Variants in TULP4 observed in about 807,000 individuals in gnomAD.
The protein encoded by TULP4 is TUB like protein 4.
TULP4 carries 16 observed loss-of-function variants against 129.0 expected under a neutral mutation model. The ratio of observed to expected loss-of-function variants is 0.12; its 90% CI spans 0.08 to 0.19. The LOEUF is 0.19. Ranked by LOEUF, TULP4 falls within the 10% of genes least tolerant of loss-of-function variation. The probability of loss-of-function intolerance (pLI) is 1.00; values close to 1 mark genes in which losing one functional copy is unlikely to be tolerated. For missense variants in TULP4, 1,842 were observed against 2,059.1 expected, an observed-to-expected ratio of 0.89 and a Z score of 2.04; for synonymous variants, 998 against 854.0, an observed-to-expected ratio of 1.17 and a Z score of -2.94.
chr6:158,278,770 A>G (rs1224654461), upstream of TULP4, among the ~76,000 whole-genome samples: 2 of 152,100 alleles, frequency 1.3e-5, no homozygotes, highest in Non-Finnish European at 2.9e-5. Context: ...TTGAACAAAT[A>G]CTTTTAGAGG....
At chr6:158,242,723 G>T in intron 1 of TULP4, 1 of 517,962 alleles carries the variant, frequency 1.9e-6, no homozygotes, top group South Asian at 1.9e-5. Context: ...GTATCTTATT[G>T]ACAGGCTTGA....
At chr6:158,299,184 C>T (rs778979514) in intron 1 of TULP4, among the ~76,000 whole-genome samples, 5 of 152,080 alleles carry the variant, frequency 3.3e-5, no homozygotes, top group Admixed American at 6.6e-5. Context: ...AGGAAAAGGA[C>T]GAGCTGAACC....
chr6:158,276,666 T>C (rs958309751), intron 1 of TULP4, among the ~76,000 whole-genome samples: 6 of 152,142 alleles, frequency 3.9e-5, no homozygotes, highest in Non-Finnish European at 5.9e-5. Context: ...CCTTGTGTCA[T>C]AGGGTCCCTT....
chr6:158,274,183 G>A lies in TULP4; in HGVS notation n.69-37868G>A, dbSNP rs576754515. ...TGAGGCAGGAGAATTGCTTGAACCC[G>A]GGAGGTGGAGGTTGTAATGAGCCAA... On this transcript the variant is annotated intron_variant and non_coding_transcript_variant, in intron 1 of 1. Transcript: ENST00000620026. 1.6e-4 allele frequency among the ~76,000 whole-genome samples: 25 copies of A among 152,004 alleles called. No homozygotes were observed. The East Asian group carries it at 3.9e-3, about 24-fold the overall frequency.
chr6:158,475,848 C>T (rs953680472), intron 6 of TULP4, among the ~76,000 whole-genome samples: 1 of 152,188 alleles, frequency 6.6e-6, no homozygotes, highest in Admixed American at 6.5e-5. Flanking sequence ...ACATTTGTAG[C>T]GAGGGCTTTA....
At chr6:158,233,799 T>G (rs1777640736) in intron 1 of TULP4, among the ~76,000 whole-genome samples, 1 of 152,262 alleles carries the variant, frequency 6.6e-6, no homozygotes, top group Non-Finnish European at 1.5e-5. Context: ...TGTTTAGTTC[T>G]TCAGTTTAAA....
At chr6:158,349,250 GCGGCCGGGCAGAGGCGC>G (rs1780418575) in intron 1 of TULP4, among the ~76,000 whole-genome samples, 1 of 140,054 alleles carries the variant, frequency 7.1e-6, no homozygotes, top group Non-Finnish European at 1.6e-5. Context: ...CCCAGATGGG[GCGGCCGGGCAGAGGCGC>G]TCCTCACCTC....
intron 2 of TULP4, among the ~76,000 whole-genome samples, chr6:158,422,923 C>G (rs1278980262): frequency 6.6e-6 from 1 of 152,226 alleles, no homozygotes; most frequent in Non-Finnish European, 1.5e-5. Context: ...GGAAGGCGCC[C>G]GAATCGCCAT....
At chr6:158,298,701 T>A (rs1779081384) in intron 1 of TULP4, among the ~76,000 whole-genome samples, 1 of 152,210 alleles carries the variant, frequency 6.6e-6, no homozygotes, top group African/African-American at 2.4e-5. Flanking sequence ...TATTTTCCAC[T>A]AACAGCATGT....
chr6:158,239,051 G>A (rs1318780936), intron 1 of TULP4, among the ~76,000 whole-genome samples: 23 of 127,100 alleles, frequency 1.8e-4, no homozygotes, highest in South Asian at 5.3e-4. Context: ...CTGGCCGGGC[G>A]GGGGGCTGAC....
At chr6:158,433,304 T>C (rs950524718) in intron 3 of TULP4, among the ~76,000 whole-genome samples, 2 of 152,150 alleles carry the variant, frequency 1.3e-5, no homozygotes, top group African/African-American at 4.8e-5. Flanking sequence ...AGAGTTGGAG[T>C]AAACAATTTT....
intron 1 of TULP4, among the ~76,000 whole-genome samples, chr6:158,369,597 T>C (rs757517886): frequency 2.0e-5 from 3 of 152,182 alleles, no homozygotes; most frequent in Admixed American, 6.5e-5. Context: ...AACCTTGTTA[T>C]ATTTTGCACT....
chr6:158,454,814 C>T (rs1779256201), intron 5 of TULP4, among the ~76,000 whole-genome samples: 1 of 152,012 alleles, frequency 6.6e-6, no homozygotes, highest in South Asian at 2.1e-4. Context: ...TCGTATTGGT[C>T]AGGCTGGTCT....
Position 158,506,662 on chromosome 6 carries a change from G to T in TULP4, c.4600G>T (p.Ala1534Ser). Residue 1534 changes from alanine to serine, a missense_variant, in exon 14 of 14, where the codon GCC (alanine) becomes TCC (serine). By Grantham distance (99) the Ala-to-Ser change is moderately conservative (BLOSUM62 1). Around this residue, in one of 5 missense-constraint regions of TULP4, gnomAD observed 47 missense variants for 104.0 expected, o/e 0.45. Coordinates refer to ENST00000367097, the MANE Select transcript of TULP4 (RefSeq NM_020245.5). ...CTCAGCCGTGCAGGCCTTTGCAGTT[G>T]CCCTGGCCAACGTGACTCAGCGCCT... is the stretch of plus-strand genomic sequence containing the variant. ...PFSAVQAFAV[A>S]LANVTQRLK 3 of 1,613,768 alleles carry T rather than the reference G, an allele frequency of 1.9e-6. No individual in the cohort carries two copies. The highest frequency in any genetic ancestry group is 2.5e-6 in the Non-Finnish European group (3 of 1,179,666).
chr6:158,471,356 G>A (rs1198345294), intron 6 of TULP4, among the ~76,000 whole-genome samples: 1 of 152,214 alleles, frequency 6.6e-6, no homozygotes, highest in Non-Finnish European at 1.5e-5. Flanking sequence ...AGTACCGATT[G>A]CCTAAAATTA....
chr6:158,332,446 A>C (rs904095173), intron 1 of TULP4, among the ~76,000 whole-genome samples: 2 of 151,968 alleles, frequency 1.3e-5, no homozygotes, highest in Non-Finnish European at 2.9e-5. Flanking sequence ...TCTGGAGTGC[A>C]GGCAAGGGAG....
At chr6:158,465,707 C>T (rs1240199016) in intron 6 of TULP4, among the ~76,000 whole-genome samples, 1 of 152,194 alleles carries the variant, frequency 6.6e-6, no homozygotes, top group Non-Finnish European at 1.5e-5. Flanking sequence ...GCGCCCGAAG[C>T]AGTTGAATTA....
At chr6:158,319,795 T>C (rs911765881) in intron 1 of TULP4, among the ~76,000 whole-genome samples, 1 of 152,240 alleles carries the variant, frequency 6.6e-6, no homozygotes, top group Non-Finnish European at 1.5e-5. Context: ...TCACATTGTG[T>C]ATTCTGTTGT....
At position 158,489,655 on chromosome 6, in the gene TULP4, C is replaced by T. The variant is rs769469311; in HGVS notation, c.1554C>T (p.Asp518=). 6.2e-6 allele frequency: 10 copies of T among 1,614,196 alleles called. No homozygotes were observed. The highest frequency in any genetic ancestry group is 4.0e-5 in the African/African-American group (3 of 75,058). ...IDSCNCSDSS[D]IELSDDWAAK... ...GCTGCAACTGCTCAGACTCCAGTGA[C>T]ATTGAGCTGAGTGATGACTGGGCTG... is the stretch of plus-strand genomic sequence containing the variant. Residue 518 remains aspartate, a synonymous_variant, in exon 9 of 14, where the codon GAC becomes GAT. Coordinates refer to ENST00000367097, the MANE Select transcript of TULP4 (RefSeq NM_020245.5).
Sources: gnomAD v4.1 joint callset for allele counts (sites outside exome capture counted in the v4.1 genomes callset) on GRCh38, gnomAD v4.1.1 for gene constraint, gnomAD v4.1.1 regional missense constraint, MANE v1.5 for transcripts, NCBI Gene and HGNC (gene_info 2026-07-23, HGNC 2026-07-21) for gene names.